The following ZNF84 variants were observed in gnomAD, a reference collection of about 807,000 sequenced individuals.
ZNF84 encodes zinc finger protein HPF2.
A neutral mutation model predicts 14.8 loss-of-function variants in ZNF84; 12 were observed. The ratio of observed to expected loss-of-function variants is 0.81; its 90% CI spans 0.52 to 1.31. The LOEUF (loss-of-function observed/expected upper bound fraction) is 1.31, where lower values mean the gene tolerates loss of function less well. ZNF84 is among the 50% of genes most tolerant of loss of function. The pLI is 0.00. For synonymous variants in ZNF84, 347 were observed against 291.1 expected (o/e 1.19, Z -1.96); for missense variants, 859 against 878.6 (o/e 0.98, Z 0.28).
At chr12:133,046,901 A>C (rs1566280741) in intron 2 of ZNF84, among the ~76,000 whole-genome samples, 1 of 144,104 alleles carries the variant, frequency 6.9e-6, no homozygotes, top group African/African-American at 2.5e-5. Context: ...TTTTAATATA[A>C]TATTTATATT....
At chr12:133,049,308 T>G (rs1954035833) in intron 4 of ZNF84, among the ~76,000 whole-genome samples, 1 of 152,152 alleles carries the variant, frequency 6.6e-6, no homozygotes, top group African/African-American at 2.4e-5. Context: ...GATTTTGTCT[T>G]CAGTTTGGGT....
intron 1 of ZNF84, among the ~76,000 whole-genome samples, chr12:133,039,567 T>C (rs1953849697): frequency 6.6e-6 from 1 of 152,206 alleles, no homozygotes; most frequent in Admixed American, 6.5e-5. Flanking sequence ...TTAAACGCCT[T>C]ATAGGGTTGT....
chr12:133,062,378 AT>A lies in ZNF84; in HGVS notation c.*3449del, dbSNP rs1441849603. 7 of 152,252 alleles carry A rather than the reference AT, an allele frequency of 4.6e-5. No individual in the cohort carries two copies. Among genetic ancestry groups the A allele is most frequent in the African/African-American group, 2.4e-5 (1 of 41,468 alleles). 9.4% of individuals were successfully genotyped at this position (152,252 alleles called of 1,614,324 possible). On this transcript the variant is annotated 3_prime_UTR_variant, in exon 5 of 5. Coordinates refer to ENST00000539354, the MANE Select transcript of ZNF84 (RefSeq NM_001289971.2). ...ATAAAATGCACCCACAGAATGCCGT[AT>A]TTATCAAAAGTAACTTTCTAGCAAA...
At position 133,062,628 on chromosome 12, in the gene ZNF84, G is replaced by A. The variant is rs1316790271; in HGVS notation, c.*3696G>A. 5.4e-5 allele frequency: 9 copies of A among 166,908 alleles called. No homozygotes were observed. The highest frequency in any genetic ancestry group is 2.2e-4 in the African/African-American group (9 of 41,636). 10.3% of individuals were successfully genotyped at this position (166,908 alleles called of 1,614,324 possible). A position where few individuals can be genotyped will look rare whatever the true frequency, so the allele number is the denominator to read the frequency against. ...TTCTGCACCTTGCTATCATTTTTCA[G>A]TCCATTTTTCACATGTATACATAGT... On this transcript the variant is annotated 3_prime_UTR_variant, in exon 5 of 5. Transcript: ENST00000539354.
At chr12:133,040,708 G>T (rs1160745087) in intron 1 of ZNF84, 1 of 151,926 alleles carries the variant, frequency 6.6e-6, no homozygotes, top group Non-Finnish European at 1.5e-5. Flanking sequence ...TAACCTTGAC[G>T]CATCAAACAA....
Position 133,057,773 on chromosome 12 carries a change from G to T in ZNF84, c.1058G>T (p.Gly353Val). ...AAGCCTTTTGAATGCAGGGAATGTG[G>T]GAAAGCCTTCAGCAGGAAGTCACAA... ...GEKPFECREC[G>V]KAFSRKSQLV... Residue 353 changes from glycine (G) to valine (V), a missense_variant, in exon 5 of 5, where the codon GGG (glycine) becomes GTG (valine). By Grantham distance (109) the Gly-to-Val change is moderately radical. Transcript: ENST00000539354. 4 of 1,614,166 alleles carry T rather than the reference G, an allele frequency of 2.5e-6. No homozygotes were observed. Among genetic ancestry groups the T allele is most frequent in the Non-Finnish European group, 2.5e-6 (3 of 1,180,034 alleles).
Position 133,052,836 on chromosome 12 carries a change from G to A in ZNF84, c.238+3988G>A, listed in dbSNP as rs990741134. Among the ~76,000 whole-genome samples the A allele has an allele frequency of 1.6e-3, 241 of 152,326 alleles. 2 individuals are homozygous for A. Among genetic ancestry groups the A allele is most frequent in the Non-Finnish European group, 2.8e-3 (191 of 68,028 alleles). ...AAAACTAATTGTAGACATGAAAGAT[G>A]TGAAATGAGCATGGGGAAAAGTGTC... On this transcript the variant is annotated intron_variant, in intron 4 of 4. Transcript: ENST00000539354.
chr12:133,048,190 T>A, intron 3 of ZNF84, 109 bp downstream of exon 3: 1 of 1,091,784 alleles, frequency 9.2e-7, no homozygotes, highest in Non-Finnish European at 1.3e-6. Context: ...AAATTTTTAA[T>A]GATTTTAGAC....
At chr12:133,045,453 A>G (rs1481569983) in intron 2 of ZNF84, among the ~76,000 whole-genome samples, 1 of 151,554 alleles carries the variant, frequency 6.6e-6, no homozygotes, top group Admixed American at 6.5e-5. Flanking sequence ...CCTGGGTGAC[A>G]GAACAAGACT....
intron 4 of ZNF84, among the ~76,000 whole-genome samples, chr12:133,054,661 AATC>A (rs1394960983): frequency 6.7e-6 from 1 of 149,614 alleles, no homozygotes; most frequent in Non-Finnish European, 1.5e-5. Flanking sequence ...AACTTGATTT[AATC>A]ATTTTACAAC....
rs1954285458 is a variant in ZNF84, at chr12:133,062,748, A to G, written c.*3816A>G. On this transcript the variant is annotated 3_prime_UTR_variant, in exon 5 of 5. Coordinates refer to ENST00000539354, the MANE Select transcript of ZNF84 (RefSeq NM_001289971.2). ...TAAAGTGTAACATTCTCCTTATGGT[A>G]TGTAAGGACTTTTGTATAAACCAAT... 7.7e-6 allele frequency: 2 copies of G among 259,682 alleles called. No homozygotes were observed. The highest frequency in any genetic ancestry group is 1.4e-4 in the South Asian group (2 of 13,894). 16.1% of individuals were successfully genotyped at this position (259,682 alleles called of 1,614,324 possible).
At chr12:133,044,069 A>C (rs1427862057) in intron 2 of ZNF84, among the ~76,000 whole-genome samples, 2 of 151,882 alleles carry the variant, frequency 1.3e-5, no homozygotes, top group African/African-American at 4.8e-5. Context: ...TCTTAAGCTT[A>C]CTTATTAGTT....
In ZNF84 at chr12:133,059,808, AT is replaced by A. The variant is rs1390589692; in HGVS notation, c.*877del. Reference sequence around the variant, plus strand: ...ATGGAAACTCATGTAACATGACTACATGAATAAGTACCTTAAGTGATAACCC... The same window carrying A: ...ATGGAAACTCATGTAACATGACTACAGAATAAGTACCTTAAGTGATAACCC... On this transcript the variant is annotated 3_prime_UTR_variant, in exon 5 of 5. Transcript: ENST00000539354. The A allele has an allele frequency of 6.6e-6, 1 of 152,236 alleles. No homozygotes were observed. The highest frequency in any genetic ancestry group is 1.5e-5 in the Non-Finnish European group (1 of 68,040). The allele number at this position is 152,236 out of a possible 1,614,324, so 9.4% of individuals were successfully genotyped here.
In ZNF84 at chr12:133,057,941, G is replaced by A; in HGVS notation, c.1226G>A (p.Arg409Lys). The A allele has an allele frequency of 1.9e-6, 3 of 1,613,986 alleles. No individual in the cohort carries two copies. The highest frequency in any genetic ancestry group is 2.5e-6 in the Non-Finnish European group (3 of 1,179,998). Residue 409 changes from arginine (R) to lysine (K), a missense_variant, in exon 5 of 5, where the codon AGG becomes AAG. Physicochemically the swap from Arg to Lys is conservative, Grantham distance 26 (BLOSUM62 2). Coordinates refer to ENST00000539354, the MANE Select transcript of ZNF84 (RefSeq NM_001289971.2). Reference sequence around the variant, plus strand: ...AAACCCTATGAATGCAGCGAGTGTAGGAAAGCATTTAGAGAGAGGTCGAGT... The same window carrying A: ...AAACCCTATGAATGCAGCGAGTGTAAGAAAGCATTTAGAGAGAGGTCGAGT... The part of the protein sequence containing the change: ...GEKPYECSEC[R>K]KAFRERSSLI...
chr12:133,042,272 T>G (rs1166783660), intron 2 of ZNF84, among the ~76,000 whole-genome samples: 1 of 152,138 alleles, frequency 6.6e-6, no homozygotes, highest in Non-Finnish European at 1.5e-5. Flanking sequence ...AGTGAACAGG[T>G]GAAAGTTCTC....
intron 2 of ZNF84, among the ~76,000 whole-genome samples, chr12:133,045,061 A>G (rs1226774336): frequency 6.6e-6 from 1 of 152,242 alleles, no homozygotes; most frequent in African/African-American, 2.4e-5. Flanking sequence ...AAGTAAACTT[A>G]TGCTGTATAA....
Position 133,047,955 on chromosome 12 carries a change from G to A in ZNF84, c.16G>A (p.Glu6Lys). The part of the protein sequence containing the change: MTMLQ[E>K]SFSFDDLSVD... Reference sequence around the variant, plus strand: ...ATTTACCAGGATTGTGCTCTTACAGGAGTCATTCTCATTTGACGATTTATC... The same window carrying A: ...ATTTACCAGGATTGTGCTCTTACAGAAGTCATTCTCATTTGACGATTTATC... The change falls in exon 3 of 5, where the codon GAG becomes AAG. Residue 6 changes from glutamate to lysine, a missense_variant and splice_region_variant. By Grantham distance (56) the Glu-to-Lys change is moderately conservative. Coordinates refer to ENST00000539354, the MANE Select transcript of ZNF84 (RefSeq NM_001289971.2). 6.2e-7 allele frequency: 1 copy of A among 1,613,778 alleles called. No individual in the cohort carries two copies. The highest frequency in any genetic ancestry group is 8.5e-7 in the Non-Finnish European group (1 of 1,179,804).
Position 133,057,066 on chromosome 12 carries a change from C to G in ZNF84, c.351C>G (p.Asn117Lys), listed in dbSNP as rs1954172273. 2.5e-6 allele frequency: 4 copies of G among 1,613,266 alleles called. No individual in the cohort carries two copies. In the South Asian group the frequency reaches 4.4e-5, roughly 18 times the overall value. Reference sequence around the variant, plus strand: ...CATTTGGAAAAAATTTCAATCTGAACATGAACTTTGTTCCTTTAAGGAAAT... The same window carrying G: ...CATTTGGAAAAAATTTCAATCTGAAGATGAACTTTGTTCCTTTAAGGAAAT... ...CDAFGKNFNL[N>K]MNFVPLRKSN... The change falls in exon 5 of 5, where the codon AAC becomes AAG. Residue 117 changes from asparagine to lysine, a missense_variant. Asn to Lys is a moderately conservative substitution (Grantham distance 94). Transcript: ENST00000539354.
At position 133,057,279 on chromosome 12, in the gene ZNF84, C is replaced by G. The variant is rs1230413674; in HGVS notation, c.564C>G (p.Ser188Arg). 5.6e-6 allele frequency: 9 copies of G among 1,613,460 alleles called. No homozygotes were observed. In the African/African-American group the frequency reaches 9.4e-5, roughly 17 times the overall value. Residue 188 changes from serine to arginine, a missense_variant, in exon 5 of 5, where the codon AGC (serine) becomes AGG (arginine). Physicochemically the swap from Ser to Arg is moderately radical, Grantham distance 110. Transcript: ENST00000539354. The stretch of plus-strand genomic sequence containing the variant: ...ATGACTGTGATAAATATAAAGAGAG[C>G]TATAAAAAGTCACAGATTATCATAT... ...KYYDCDKYKE[S>R]YKKSQIIIYH...
Sources: allele counts gnomAD v4.1 joint callset (sites outside exome capture counted in the v4.1 genomes callset), GRCh38; gene constraint gnomAD v4.1.1; transcripts MANE v1.5; gene names NCBI Gene and HGNC (gene_info 2026-07-23, HGNC 2026-07-21).